The following MAPRE2 variants were observed in gnomAD, a reference collection of about 807,000 sequenced individuals.
MAPRE2 encodes the protein microtubule associated protein RP/EB family member 2, also known as microtubule-associated protein RP/EB family member 2.
In MAPRE2, 13 loss-of-function variants were observed where a neutral mutation model predicts 43.2. The ratio of observed to expected loss-of-function variants is 0.30; its 90% CI spans 0.20 to 0.48. The LOEUF is 0.48. Ranked by LOEUF, MAPRE2 falls within the 20% of genes least tolerant of loss-of-function variation. The pLI, the probability that MAPRE2 is intolerant of heterozygous loss-of-function variation, is 0.99. For synonymous variants in MAPRE2, 135 were observed against 148.8 expected, an observed-to-expected ratio of 0.91 and a Z score of 0.68; for missense variants, 161 against 400.2, an observed-to-expected ratio of 0.40 and a Z score of 5.10.
At chr18:35,080,057 G>A (rs768195942) in intron 2 of MAPRE2, among the ~76,000 whole-genome samples, 4 of 152,132 alleles carry the variant, frequency 2.6e-5, no homozygotes, top group Non-Finnish European at 4.4e-5. Context: ...CCTTGTTTGG[G>A]TCTTTGGCCA....
At chr18:35,028,870 T>C (rs1045004318) in intron 2 of MAPRE2, among the ~76,000 whole-genome samples, 2 of 152,200 alleles carry the variant, frequency 1.3e-5, no homozygotes, top group African/African-American at 2.4e-5. Flanking sequence ...AGAAGTTCAT[T>C]CCAAGCATTG....
chr18:35,140,171 CCTAA>C lies in MAPRE2; in HGVS notation c.910-119_910-116del, dbSNP rs376490973. 4.5e-4 allele frequency: 351 copies of C among 784,278 alleles called. No individual in the cohort carries two copies. The African/African-American group carries it at 5.3e-3, about 12-fold the overall frequency. The allele number at this position is 784,278 out of a possible 1,614,324, so 48.6% of individuals were successfully genotyped here. On this transcript the variant is annotated intron_variant, in intron 6 of 6. Coordinates refer to ENST00000300249, the MANE Select transcript of MAPRE2 (RefSeq NM_014268.4). ...GGAGACGTTTGCATGGCGAGTTGTG[CCTAA>C]CTAAGCCTGGTGCCCTCCACAGCCT...
intron 2 of MAPRE2, among the ~76,000 whole-genome samples, chr18:35,086,121 C>T (rs1907865758): frequency 6.6e-6 from 1 of 152,040 alleles, no homozygotes; most frequent in South Asian, 2.1e-4. Flanking sequence ...TATAATAGTT[C>T]CTTGGCCTGT....
At chr18:35,074,313 G>A (rs1907241501) in intron 2 of MAPRE2, among the ~76,000 whole-genome samples, 1 of 152,002 alleles carries the variant, frequency 6.6e-6, no homozygotes, top group Admixed American at 6.6e-5. Context: ...TTTTGCTTTA[G>A]TACTAGCTCA....
chr18:35,056,759 A>G (rs1034672790), intron 1 of MAPRE2, among the ~76,000 whole-genome samples: 4 of 152,206 alleles, frequency 2.6e-5, no homozygotes, highest in East Asian at 1.9e-4. Flanking sequence ...TTGAATGCTT[A>G]TTAACTAATT....
At chr18:35,018,487 C>G (rs185023767) in intron 2 of MAPRE2, among the ~76,000 whole-genome samples, 34 of 148,796 alleles carry the variant, frequency 2.3e-4, no homozygotes, top group African/African-American at 8.1e-4. Context: ...TTTTTAATTA[C>G]TGATTCAATT....
At chr18:35,107,871 A>G (rs777694706) in intron 4 of MAPRE2, among the ~76,000 whole-genome samples, 6 of 151,914 alleles carry the variant, frequency 3.9e-5, no homozygotes, top group African/African-American at 9.7e-5. Flanking sequence ...TCCTGCATTG[A>G]TCATGGAATT....
In MAPRE2 at chr18:34,985,533, A is replaced by G. The variant is rs1411034029; in HGVS notation, c.-70+8454A>G. On this transcript the variant is annotated intron_variant, in intron 1 of 7. Transcript: ENST00000413393. ...AATATATATATTATATATTATAAAT[A>G]TAATATATAATATATATATTATATA... is the stretch of plus-strand genomic sequence containing the variant. Among the ~76,000 whole-genome samples the G allele has an allele frequency of 4.1e-4, 18 of 44,218 alleles. 2 individuals carry two copies. The highest frequency in any genetic ancestry group is 0.033 in the Middle Eastern group (1 of 30). The allele number at this position is 44,218 out of a possible 152,430, so 29.0% of individuals were successfully genotyped here.
intron 1 of MAPRE2, among the ~76,000 whole-genome samples, chr18:35,061,064 G>A (rs545537927): frequency 6.8e-6 from 1 of 147,388 alleles, no homozygotes; most frequent in South Asian, 2.3e-4. Context: ...TTCTCTCTTG[G>A]AGGTGGCAGT....
At chr18:35,068,139 G>T (rs1906925953) in intron 1 of MAPRE2, among the ~76,000 whole-genome samples, 1 of 152,116 alleles carries the variant, frequency 6.6e-6, no homozygotes, top group South Asian at 2.1e-4. Flanking sequence ...TTGCTTTCAT[G>T]AGCATAAATA....
intron 4 of MAPRE2, among the ~76,000 whole-genome samples, chr18:35,110,581 T>G (rs1468177839): frequency 6.6e-6 from 1 of 152,184 alleles, no homozygotes; most frequent in Non-Finnish European, 1.5e-5. Flanking sequence ...GCGGTTTCAT[T>G]TCTCTTCAGC....
chr18:34,993,272 T>A (rs1206654051), intron 1 of MAPRE2, among the ~76,000 whole-genome samples: 1 of 151,226 alleles, frequency 6.6e-6, no homozygotes, highest in Admixed American at 6.6e-5. Flanking sequence ...TTTTTTTTTT[T>A]TTTTACTTTT....
chr18:35,059,333 A>C (rs1489114372), intron 1 of MAPRE2, among the ~76,000 whole-genome samples: 3 of 152,172 alleles, frequency 2.0e-5, no homozygotes, highest in African/African-American at 7.2e-5. Context: ...TAAAAAAAAA[A>C]AAATGCCTAG....
intron 2 of MAPRE2, among the ~76,000 whole-genome samples, chr18:35,032,161 A>C (rs928216267): frequency 2.0e-5 from 3 of 152,142 alleles, no homozygotes; most frequent in Non-Finnish European, 4.4e-5. Context: ...AAATATCTTA[A>C]AATATACACA....
intron 1 of MAPRE2, among the ~76,000 whole-genome samples, chr18:35,056,717 T>C (rs1385173309): frequency 6.6e-6 from 1 of 152,210 alleles, no homozygotes; most frequent in Non-Finnish European, 1.5e-5. Context: ...GTTTACTAGG[T>C]CTTGTGGTAA....
At chr18:35,043,026 C>G (rs1420198727) in intron 1 of MAPRE2, among the ~76,000 whole-genome samples, 1 of 152,142 alleles carries the variant, frequency 6.6e-6, no homozygotes, top group African/African-American at 2.4e-5. Context: ...ACCAAAATCT[C>G]ATGCCTTATG....
chr18:34,999,040 G>A (rs1364863068), intron 1 of MAPRE2, among the ~76,000 whole-genome samples: 1 of 151,988 alleles, frequency 6.6e-6, no homozygotes, highest in African/African-American at 2.4e-5. Flanking sequence ...TGGAAAGCAG[G>A]GCTTTAGTTT....
intron 2 of MAPRE2, among the ~76,000 whole-genome samples, chr18:35,032,351 T>C (rs749448561): frequency 9.2e-5 from 14 of 152,198 alleles, no homozygotes; most frequent in Non-Finnish European, 1.3e-4. Context: ...AAAAAAGGCA[T>C]TCATGTGATG....
intron 2 of MAPRE2, among the ~76,000 whole-genome samples, chr18:35,016,429 T>C (rs545480962): frequency 1.1e-4 from 17 of 152,248 alleles, no homozygotes; most frequent in African/African-American, 3.6e-4. Context: ...CCACCAACTA[T>C]GTATAAGCAT....
Sources: gnomAD v4.1 joint callset for allele counts (sites outside exome capture counted in the v4.1 genomes callset) on GRCh38, gnomAD v4.1.1 for gene constraint, MANE v1.5 for transcripts, NCBI Gene and HGNC (gene_info 2026-07-23, HGNC 2026-07-21) for gene names.